Variants in KDM5D observed in about 807,000 individuals in gnomAD.
The protein encoded by KDM5D is lysine-specific demethylase 5D.
KDM5D carries 25 observed loss-of-function variants against 31.9 expected under a neutral mutation model. The observed-to-expected ratio is 0.78, with a 90% confidence interval of 0.57 to 1.09. The LOEUF is 1.09. Among genes scored for constraint, KDM5D ranks in the 50% least tolerant of loss-of-function variants. The probability of loss-of-function intolerance (pLI) is 0.00; values close to 1 mark genes in which losing one functional copy is unlikely to be tolerated. For synonymous variants in KDM5D, 146 were observed against 122.3 expected (o/e 1.19, Z -1.28); for missense variants, 366 against 341.6 (o/e 1.07, Z -0.56).
At position 19,708,053 on chromosome Y, in the gene KDM5D, C is replaced by G; in HGVS notation, c.3280G>C (p.Asp1094His). The change falls in exon 23 of 27, where the codon GAC becomes CAC. Residue 1094 changes from aspartate (D) to histidine (H), a missense_variant. Transcript: ENST00000317961. ...TLLEVLCPCA[D>H]AGSDSTKRSR... is the part of the protein sequence containing the mutation. ...CGCTTGGTGCTGTCTGAGCCAGCGTCTGCACACGGGCAAAGCACCTGAGGC... is the reference window on the plus strand; with the variant it reads ...CGCTTGGTGCTGTCTGAGCCAGCGTGTGCACACGGGCAAAGCACCTGAGGC... 2 of 389,150 alleles carry G rather than the reference C, an allele frequency of 5.1e-6. No homozygotes were observed. The highest frequency in any genetic ancestry group is 3.1e-5 in the South Asian group (1 of 32,276).
rs1001277147 is a variant in KDM5D, at chrY:19,741,654, T to C, written c.351+81A>G. 11 of 298,017 alleles carry C rather than the reference T, an allele frequency of 3.7e-5. No individual in the cohort carries two copies. The South Asian group carries it at 4.0e-4, about 11-fold the overall frequency. The allele number at this position is 298,017 out of a possible 400,897, so 74.3% of individuals were successfully genotyped here. A position where few individuals can be genotyped will look rare whatever the true frequency, so the allele number is the denominator to read the frequency against. ...CGCTGCCAGGCTCTGTGTTCTTTCC[T>C]TTCCTGCCTATTGTTTCTACCACAG... On this transcript the variant is annotated intron_variant, in intron 4 of 26. Coordinates refer to ENST00000317961, the MANE Select transcript of KDM5D (RefSeq NM_004653.5).
intron 11 of KDM5D, chrY:19,722,600 AC>A (rs2045401461): frequency 4.6e-4 from 15 of 32,870 alleles, no homozygotes; most frequent in Admixed American, 2.2e-3. Flanking sequence ...TAAGGCAACG[AC>A]CTACAGAATG....
chrY:19,725,062 A>G (rs111453052), intron 11 of KDM5D, among the ~76,000 whole-genome samples: 148 of 33,685 alleles, frequency 4.4e-3, no homozygotes, highest in African/African-American at 0.016. Context: ...ATCAGAGAGG[A>G]CACAAACAAA....
chrY:19,727,165 A>G, intron 11 of KDM5D, among the ~76,000 whole-genome samples: 1 of 33,800 alleles, frequency 3.0e-5, no homozygotes, highest in Non-Finnish European at 7.4e-5. Context: ...GTCAACCATA[A>G]AAGAGAAAAT....
At chrY:19,738,897 C>T in intron 6 of KDM5D, among the ~76,000 whole-genome samples, 2 of 34,112 alleles carry the variant, frequency 5.9e-5, no homozygotes, top group Non-Finnish European at 1.5e-4. Context: ...CTCTGTCTTG[C>T]CTTTCCCTTG....
intron 11 of KDM5D, among the ~76,000 whole-genome samples, chrY:19,731,384 C>T: frequency 6.0e-5 from 2 of 33,309 alleles, no homozygotes; most frequent in Admixed American, 5.5e-4. Flanking sequence ...GACATGAACA[C>T]AAATTGATAC....
intron 13 of KDM5D, among the ~76,000 whole-genome samples, chrY:19,716,996 C>T: frequency 3.0e-5 from 1 of 33,441 alleles, no homozygotes; most frequent in Non-Finnish European, 7.4e-5. Context: ...TTTTTAAAGT[C>T]ATAGAATTAA....
Position 19,716,607 on chromosome Y carries a change from T to G in KDM5D, c.1825A>C (p.Thr609Pro). The change falls in exon 14 of 27, where the codon ACT (threonine) becomes CCT (proline). Residue 609 changes from threonine to proline, a missense_variant. By Grantham distance (38) the Thr-to-Pro change is conservative. Coordinates refer to ENST00000317961, the MANE Select transcript of KDM5D (RefSeq NM_004653.5). ...YNFAEAVNFC[T>P]ADWLPAGRQC... ...GCATGCTCACTCACCCAGTCAGCAG[T>G]ACAAAAGTTGACAGCTTCAGCAAAA... The G allele has an allele frequency of 1.0e-5, 4 of 399,243 alleles. No homozygotes were observed. The highest frequency in any genetic ancestry group is 5.9e-4 in the Middle Eastern group (1 of 1,704).
rs372953286 is a variant in KDM5D, at chrY:19,732,791, C to T, written c.934-49G>A. The T allele has an allele frequency of 4.0e-5, 10 of 252,879 alleles. No individual in the cohort carries two copies. In the African/African-American group the frequency reaches 8.0e-4, roughly 20 times the overall value. 63.1% of individuals were successfully genotyped at this position (252,879 alleles called of 400,897 possible). A position where few individuals can be genotyped will look rare whatever the true frequency, so the allele number is the denominator to read the frequency against. ...AAAAATTTAGCTGCTTGTTCCCTGA[C>T]ACCTTATCGCAGGTTTCTAGACCAT... On this transcript the variant is annotated intron_variant, in intron 8 of 26. Coordinates refer to ENST00000317961, the MANE Select transcript of KDM5D (RefSeq NM_004653.5).
Position 19,706,270 on chromosome Y carries a change from C to A in KDM5D, c.4345G>T (p.Asp1449Tyr). 5.0e-6 allele frequency: 2 copies of A among 396,166 alleles called. No individual in the cohort carries two copies. The highest frequency in any genetic ancestry group is 7.1e-6 in the Non-Finnish European group (2 of 282,356). ...LERRRRRQKV[D>Y]QGRNVENLVQ... is the part of the protein sequence containing the mutation. ...AGATTCTCAACGTTTCTACCCTGAT[C>A]CACCTTCTGCCGCCGCCGTCGCCTC... is the stretch of plus-strand genomic sequence containing the variant. The change falls in exon 27 of 27, where the codon GAT (aspartate) becomes TAT (tyrosine). Residue 1449 changes from aspartate (D) to tyrosine (Y), a missense_variant. By Grantham distance (160) the Asp-to-Tyr change is radical. Transcript: ENST00000317961.
chrY:19,732,136 T>C lies in KDM5D; in HGVS notation c.1122A>G (p.Gly374=). Residue 374 remains glycine (G), a synonymous_variant, in exon 10 of 27, where the codon GGA becomes GGG. Coordinates refer to ENST00000317961, the MANE Select transcript of KDM5D (RefSeq NM_004653.5). ...TGTACTCCTGGGTAGCCTGTTCAAA[T>C]CCAAAAGCTTCAGGAGGCTGTTTAC... is the stretch of plus-strand genomic sequence containing the variant. ...AECKQPPEAF[G]FEQATQEYSL... is the part of the protein sequence containing the mutation. 2.5e-6 allele frequency: 1 copy of C among 394,493 alleles called. No individual in the cohort carries two copies. Among genetic ancestry groups the C allele is most frequent in the Non-Finnish European group, 3.6e-6 (1 of 280,335 alleles).
At chrY:19,719,247 C>T (rs2045376696) in intron 13 of KDM5D, among the ~76,000 whole-genome samples, 2 of 33,528 alleles carry the variant, frequency 6.0e-5, no homozygotes, top group Non-Finnish European at 1.5e-4. Context: ...TACTTACTTA[C>T]TAAAGTCTAT....
chrY:19,723,890 T>C, intron 11 of KDM5D, among the ~76,000 whole-genome samples: 1 of 33,556 alleles, frequency 3.0e-5, no homozygotes, highest in African/African-American at 1.2e-4. Context: ...ATGGAGAAGA[T>C]ATTTGCTATA....
chrY:19,711,576 G>T, intron 18 of KDM5D, among the ~76,000 whole-genome samples: 1 of 31,188 alleles, frequency 3.2e-5, no homozygotes, highest in East Asian at 8.3e-4. Context: ...AGCTACTTGG[G>T]AGGCTGAGGC....
At chrY:19,741,265 T>C in intron 5 of KDM5D, 53 bp downstream of exon 5, 4 of 327,204 alleles carry the variant, frequency 1.2e-5, no homozygotes, top group South Asian at 1.0e-4. Context: ...AAAGAAAAAA[T>C]ACAAAAGAAA....
At chrY:19,721,105 A>G in intron 12 of KDM5D, 25 bp downstream of exon 12, 1 of 393,956 alleles carries the variant, frequency 2.5e-6, no homozygotes, top group Non-Finnish European at 3.6e-6. Context: ...TTGATATCCA[A>G]CTGAGCCATT....
chrY:19,730,850 C>T (rs2045467641), intron 11 of KDM5D, among the ~76,000 whole-genome samples: 3 of 33,335 alleles, frequency 9.0e-5, no homozygotes, highest in Non-Finnish European at 2.2e-4. Flanking sequence ...CCTCTAAACA[C>T]AGAAAAGATA....
At chrY:19,723,177 T>C (rs2045407240) in intron 11 of KDM5D, among the ~76,000 whole-genome samples, 1 of 33,542 alleles carries the variant, frequency 3.0e-5, no homozygotes, top group Non-Finnish European at 7.4e-5. Context: ...CGTACTACCA[T>C]CTGTTATTTG....
chrY:19,728,896 T>A, intron 11 of KDM5D, among the ~76,000 whole-genome samples: 1 of 31,603 alleles, frequency 3.2e-5, no homozygotes, highest in Non-Finnish European at 7.7e-5. Flanking sequence ...AAAAAAAAAA[T>A]TAAATGTTAG....
Sources: allele counts gnomAD v4.1 joint callset (sites outside exome capture counted in the v4.1 genomes callset), GRCh38; gene constraint gnomAD v4.1.1; transcripts MANE v1.5; gene names NCBI Gene and HGNC (gene_info 2026-07-23, HGNC 2026-07-21).